The following NFYC variants were observed in gnomAD, a reference collection of about 807,000 sequenced individuals.
NFYC encodes the protein CAAT box DNA-binding protein subunit C.
In NFYC, 25 loss-of-function variants were observed where a neutral mutation model predicts 53.1. The observed-to-expected ratio is 0.47, with a 90% CI of 0.34 to 0.66. NFYC has a LOEUF of 0.66. Ranked by LOEUF, NFYC falls within the 30% of genes least tolerant of loss-of-function variation. The pLI is 0.01. For synonymous variants in NFYC, 145 were observed against 152.6 expected (o/e 0.95, Z 0.37); for missense variants, 260 against 422.7 (o/e 0.62, Z 3.38).
intron 4 of NFYC, among the ~76,000 whole-genome samples, chr1:40,751,116 G>A (rs939215580): frequency 6.6e-6 from 1 of 152,054 alleles, no homozygotes; most frequent in African/African-American, 2.4e-5. Flanking sequence ...CCTCAAAACT[G>A]GAAACAACTC....
At chr1:40,694,472 T>C (rs781334238) in intron 1 of NFYC, among the ~76,000 whole-genome samples, 31 of 152,228 alleles carry the variant, frequency 2.0e-4, no homozygotes, top group Non-Finnish European at 3.5e-4. Context: ...CTGTGGAAGA[T>C]AGAGGCAAAG....
At position 40,770,443 on chromosome 1, in the gene NFYC, C is replaced by G; in HGVS notation, c.889-266C>G. ...CGAGTCTCTGAGCTAACGGGAGAGG[C>G]AGAGCCCAGAGAAGTGAAAGCCACA... is the stretch of plus-strand genomic sequence containing the variant. On this transcript the variant is annotated intron_variant, in intron 9 of 9. Coordinates refer to ENST00000447388, the MANE Select transcript of NFYC (RefSeq NM_014223.5). The surrounding 1 kb of genome is among the most constrained non-coding windows in gnomAD (Gnocchi z 5.3). The G allele has an allele frequency of 6.4e-7, 1 of 1,550,524 alleles. No individual in the cohort carries two copies. The highest frequency in any genetic ancestry group is 8.7e-7 in the Non-Finnish European group (1 of 1,146,896).
chr1:40,735,150 T>G (rs77743588), intron 1 of NFYC: 1 of 147,612 alleles, frequency 6.8e-6, no homozygotes, highest in Admixed American at 6.8e-5. Flanking sequence ...GAGCGTCTTA[T>G]GAAGGGGTGG....
chr1:40,719,767 A>G (rs1056000735), intron 1 of NFYC, among the ~76,000 whole-genome samples: 2 of 152,204 alleles, frequency 1.3e-5, no homozygotes, highest in African/African-American at 4.8e-5. Flanking sequence ...TATCAATTCT[A>G]AAGTAGAAGG....
At chr1:40,717,433 G>A (rs2744803) in intron 1 of NFYC, among the ~76,000 whole-genome samples, 18,680 of 152,090 alleles carry the variant, frequency 0.12, 1,269 homozygotes, top group African/African-American at 0.15. Context: ...TAATCCAGGC[G>A]TGTACAACAA....
intron 1 of NFYC, among the ~76,000 whole-genome samples, chr1:40,694,050 T>TTCCTTAAA (rs1557719425): frequency 6.6e-6 from 1 of 152,112 alleles, no homozygotes; most frequent in Non-Finnish European, 1.5e-5. Context: ...TACAGAAACT[T>TTCCTTAAA]GAAGAATCTG....
chr1:40,743,498 C>T (rs1470032099), intron 2 of NFYC, among the ~76,000 whole-genome samples: 6 of 152,166 alleles, frequency 3.9e-5, no homozygotes, highest in African/African-American at 9.7e-5. Context: ...TGCTGAATTT[C>T]GAAAAGAAAA....
intron 1 of NFYC, among the ~76,000 whole-genome samples, chr1:40,727,230 TG>T (rs1644557907): frequency 6.6e-6 from 1 of 152,152 alleles, no homozygotes; most frequent in South Asian, 2.1e-4. Context: ...GTTGGTTGGT[TG>T]GTTGGTTTTT....
intron 1 of NFYC, chr1:40,735,412 G>T (rs1644977069): frequency 6.0e-6 from 1 of 167,414 alleles, no homozygotes; most frequent in South Asian, 2.0e-4. Flanking sequence ...AAAGATTCAT[G>T]ATCTGTTGAC....
At chr1:40,730,539 A>C in intron 1 of NFYC, 2 of 985,042 alleles carry the variant, frequency 2.0e-6, no homozygotes, top group Non-Finnish European at 2.4e-6. Flanking sequence ...TATAGTTGTA[A>C]AAAGGATGTC....
chr1:40,747,708 A>C, intron 3 of NFYC, 103 bp downstream of exon 3: 1 of 752,582 alleles, frequency 1.3e-6, no homozygotes, highest in Non-Finnish European at 2.2e-6. Context: ...AAGAACACAC[A>C]AAAATTACTG....
intron 1 of NFYC, among the ~76,000 whole-genome samples, chr1:40,703,881 T>C (rs1158891248): frequency 6.6e-6 from 1 of 152,198 alleles, no homozygotes. Flanking sequence ...GTTGGTGTTA[T>C]TGCCTCCATT....
chr1:40,762,857 CA>C, intron 6 of NFYC, 30 bp from the exon 7 acceptor site: 2 of 1,532,648 alleles, frequency 1.3e-6, no homozygotes, highest in South Asian at 2.5e-5. Context: ...AGCCTGAACT[CA>C]CGCAGCATTC....
rs146836564 is a variant in NFYC at position 40,706,776 on chromosome 1, T to G, written c.-9+14909T>G. On this transcript the variant is annotated intron_variant, in intron 1 of 9. Transcript: ENST00000447388. ...CCATAAGAAAATCTTTGACTACCAC[T>G]GGTAGACTTCAGCACCTTGGAATGT... 9.8e-5 allele frequency among the ~76,000 whole-genome samples: 15 copies of G among 152,310 alleles called. No homozygotes were observed. In the East Asian group the frequency reaches 2.9e-3, roughly 29 times the overall value.
chr1:40,750,600 GCAAAAA>G (rs1450569658), intron 4 of NFYC, among the ~76,000 whole-genome samples: 43 of 141,770 alleles, frequency 3.0e-4, no homozygotes, highest in African/African-American at 1.0e-3. Context: ...AGCAAAAAAA[GCAAAAA>G]ATACTGAGCT....
chr1:40,758,310 A>T lies in NFYC; in HGVS notation c.561+16A>T. 2 of 1,594,904 alleles carry T rather than the reference A, an allele frequency of 1.3e-6. No homozygotes were observed. The highest frequency in any genetic ancestry group is 1.7e-6 in the Non-Finnish European group (2 of 1,168,800). ...GCAGGGCCAGGTCTGTGAGCTGCTGAGGATGCCCATCCAGCAAGACAGTGC... is the reference window on the plus strand; with the variant it reads ...GCAGGGCCAGGTCTGTGAGCTGCTGTGGATGCCCATCCAGCAAGACAGTGC... On this transcript the variant is annotated intron_variant, in intron 6 of 9. Coordinates refer to ENST00000447388, the MANE Select transcript of NFYC (RefSeq NM_014223.5).
intron 2 of NFYC, among the ~76,000 whole-genome samples, chr1:40,745,364 G>C (rs767997767): frequency 3.3e-5 from 5 of 152,086 alleles, no homozygotes; most frequent in Non-Finnish European, 5.9e-5. Context: ...TTTTCCAAAG[G>C]AATGATCATC....
chr1:40,755,168 C>T (rs999758132), intron 5 of NFYC, among the ~76,000 whole-genome samples: 3 of 152,178 alleles, frequency 2.0e-5, no homozygotes, highest in African/African-American at 7.2e-5. Flanking sequence ...AGCGAATGTA[C>T]TTTTTTCCAG....
At position 40,691,830 on chromosome 1, in the gene NFYC, G is replaced by A. The variant is rs549105512; in HGVS notation, c.-46G>A. 4.0e-4 allele frequency: 176 copies of A among 435,568 alleles called. No homozygotes were observed. The highest frequency in any genetic ancestry group is 3.5e-3 in the African/African-American group (169 of 48,662). 27.0% of individuals were successfully genotyped at this position (435,568 alleles called of 1,614,324 possible). A position where few individuals can be genotyped will look rare whatever the true frequency, so the allele number is the denominator to read the frequency against. On this transcript the variant is annotated 5_prime_UTR_variant, in exon 1 of 10. Transcript: ENST00000447388. ...GCATTGCCCGACTCCGTAGGAGCGC[G>A]GGGGCGGCTCCTGCTCTTCCTGGAC...
Sources: allele counts gnomAD v4.1 joint callset (sites outside exome capture counted in the v4.1 genomes callset), GRCh38; gene constraint gnomAD v4.1.1; non-coding constraint Gnocchi (gnomAD v3.1); transcripts MANE v1.5; gene names NCBI Gene and HGNC (gene_info 2026-07-23, HGNC 2026-07-21).